SPRED2: variants seen among roughly 807,000 people sequenced by gnomAD.
SPRED2 encodes sprouty-related, EVH1 domain-containing protein 2.
Under a neutral mutation model 43.0 loss-of-function variants are expected in SPRED2, and 47 were observed. That is an observed-to-expected ratio of 1.09 (90% confidence interval 0.87 to 1.40). The LOEUF is 1.40. Ranked by LOEUF, SPRED2 falls within the 40% of genes most tolerant of loss-of-function variation. The pLI, the probability that SPRED2 is intolerant of heterozygous loss-of-function variation, is 0.00. For synonymous variants in SPRED2, 225 were observed against 225.7 expected (o/e 1.00, Z 0.03); for missense variants, 561 against 586.4 (o/e 0.96, Z 0.45).
intron 5 of SPRED2, 122 bp downstream of exon 5, chr2:65,316,612 G>T: frequency 8.3e-7 from 1 of 1,211,246 alleles, no homozygotes; most frequent in Non-Finnish European, 1.1e-6. Context: ...TGAAGTGGGG[G>T]TAAAGGCAGG....
intron 1 of SPRED2, among the ~76,000 whole-genome samples, chr2:65,387,741 A>G (rs957609971): frequency 2.0e-5 from 3 of 152,114 alleles, no homozygotes; most frequent in Non-Finnish European, 4.4e-5. Flanking sequence ...ATATATATAC[A>G]TGTATATGAA....
At chr2:65,318,989 A>G (rs1673327286) in intron 4 of SPRED2, among the ~76,000 whole-genome samples, 2 of 152,218 alleles carry the variant, frequency 1.3e-5, no homozygotes, top group Admixed American at 1.3e-4. Flanking sequence ...ATCATAAATC[A>G]TTTTAGGGAC....
rs1301767604 is a variant in SPRED2 at position 65,407,776 on chromosome 2, C to A, written c.26+24186G>T. ...GTGGGAAAGGTGGAGCACAGGGAAC[C>A]TCCCCATAACTCCAACTGGAGGACA... On this transcript the variant is annotated intron_variant, in intron 1 of 5. Coordinates refer to ENST00000356388, the MANE Select transcript of SPRED2 (RefSeq NM_181784.3). Among the ~76,000 whole-genome samples the A allele has an allele frequency of 2.6e-5, 4 of 152,292 alleles. No individual in the cohort carries two copies. The South Asian group carries it at 6.2e-4, about 24-fold the overall frequency.
intron 1 of SPRED2, among the ~76,000 whole-genome samples, chr2:65,391,597 A>C (rs1675637602): frequency 1.3e-5 from 2 of 152,202 alleles, no homozygotes; most frequent in Admixed American, 1.3e-4. Context: ...TAACCATTGT[A>C]ATAGGTTCTT....
At chr2:65,356,143 G>A (rs1674638599) in intron 1 of SPRED2, among the ~76,000 whole-genome samples, 1 of 152,080 alleles carries the variant, frequency 6.6e-6, no homozygotes, top group African/African-American at 2.4e-5. Context: ...TCACATTATT[G>A]GAGAAAACAA....
At chr2:65,397,469 C>A (rs965905854) in intron 1 of SPRED2, among the ~76,000 whole-genome samples, 1 of 152,142 alleles carries the variant, frequency 6.6e-6, no homozygotes, top group Non-Finnish European at 1.5e-5. Flanking sequence ...AAGCTCAATT[C>A]CTTTCTCTTC....
intron 1 of SPRED2, among the ~76,000 whole-genome samples, chr2:65,422,077 AACACACAC>A (rs367817858): frequency 3.5e-4 from 45 of 127,666 alleles, no homozygotes; most frequent in Admixed American, 2.6e-3. Context: ...TTGTATGTAC[AACACACAC>A]ACACACACAC....
intron 1 of SPRED2, among the ~76,000 whole-genome samples, chr2:65,365,747 A>T (rs964274583): frequency 1.3e-5 from 2 of 152,232 alleles, no homozygotes; most frequent in South Asian, 2.1e-4. Context: ...GTATTTTTTT[A>T]AAATATGAGG....
chr2:65,388,957 C>G (rs185802139), intron 1 of SPRED2, among the ~76,000 whole-genome samples: 1 of 152,168 alleles, frequency 6.6e-6, no homozygotes, highest in Non-Finnish European at 1.5e-5. Flanking sequence ...AGAAAGCTGG[C>G]GAGTCACTGG....
At chr2:65,347,004 A>C (rs1335904971) in intron 1 of SPRED2, among the ~76,000 whole-genome samples, 1 of 152,150 alleles carries the variant, frequency 6.6e-6, no homozygotes, top group African/African-American at 2.4e-5. Flanking sequence ...AACCAACTTT[A>C]GCCATTCATG....
At chr2:65,329,327 A>G (rs1053590811) in intron 4 of SPRED2, among the ~76,000 whole-genome samples, 5 of 152,216 alleles carry the variant, frequency 3.3e-5, no homozygotes, top group African/African-American at 9.6e-5. Flanking sequence ...CCTGGTTTGT[A>G]AGCCCTGATG....
intron 1 of SPRED2, among the ~76,000 whole-genome samples, chr2:65,379,430 A>T (rs1675320055): frequency 6.6e-6 from 1 of 152,148 alleles, no homozygotes; most frequent in Non-Finnish European, 1.5e-5. Context: ...GCCTCTCCTC[A>T]CAAAGAGACT....
chr2:65,312,976 T>A lies in SPRED2; in HGVS notation c.*525A>T, dbSNP rs1673111128. 8 of 985,770 alleles carry A rather than the reference T, an allele frequency of 8.1e-6. No individual in the cohort carries two copies. Among genetic ancestry groups the A allele is most frequent in the Non-Finnish European group, 9.6e-6 (8 of 830,174 alleles). 61.1% of individuals were successfully genotyped at this position (985,770 alleles called of 1,614,324 possible). ...TCACCTCCTATACATAATAACTGACTGCAGGCTGAGATACTTCTGTCGGGT... is the reference window on the plus strand; with the variant it reads ...TCACCTCCTATACATAATAACTGACAGCAGGCTGAGATACTTCTGTCGGGT... On this transcript the variant is annotated 3_prime_UTR_variant, in exon 6 of 6. Transcript: ENST00000356388.
chr2:65,360,684 G>A (rs1259527651), intron 1 of SPRED2, among the ~76,000 whole-genome samples: 1 of 152,300 alleles, frequency 6.6e-6, no homozygotes, highest in East Asian at 1.9e-4. Context: ...CTGGGGAGGG[G>A]AGTGAGTTGT....
At chr2:65,317,914 G>A (rs1416629394) in intron 4 of SPRED2, among the ~76,000 whole-genome samples, 1 of 152,086 alleles carries the variant, frequency 6.6e-6, no homozygotes, top group Non-Finnish European at 1.5e-5. Flanking sequence ...TGGAGTCTCC[G>A]TAACCATGTC....
intron 4 of SPRED2, among the ~76,000 whole-genome samples, chr2:65,327,827 G>A (rs764680258): frequency 1.5e-4 from 20 of 137,590 alleles, no homozygotes; most frequent in Non-Finnish European, 2.3e-4. Context: ...AGGTTCAAGC[G>A]ATTCTCCTGC....
At chr2:65,428,422 T>C (rs868389360) in intron 1 of SPRED2, among the ~76,000 whole-genome samples, 16 of 152,246 alleles carry the variant, frequency 1.1e-4, no homozygotes, top group Middle Eastern at 3.2e-3. Flanking sequence ...GAATAACCAG[T>C]TATAAAAGAC....
intron 1 of SPRED2, among the ~76,000 whole-genome samples, chr2:65,363,562 T>C (rs1256739682): frequency 6.6e-6 from 1 of 152,196 alleles, no homozygotes; most frequent in Non-Finnish European, 1.5e-5. Context: ...TCCCACCCAG[T>C]ATGGCAGAAT....
chr2:65,365,966 A>G (rs2104328527), intron 1 of SPRED2, among the ~76,000 whole-genome samples: 1 of 152,224 alleles, frequency 6.6e-6, no homozygotes, highest in South Asian at 2.1e-4. Flanking sequence ...AATCCCCACT[A>G]CCCTTTCTCC....
Sources: gnomAD v4.1 joint callset for allele counts (sites outside exome capture counted in the v4.1 genomes callset) on GRCh38, gnomAD v4.1.1 for gene constraint, MANE v1.5 for transcripts, NCBI Gene and HGNC (gene_info 2026-07-23, HGNC 2026-07-21) for gene names.